Variants in GNG4 observed in about 807,000 individuals in gnomAD.
GNG4 encodes G protein subunit gamma 4, also known as guanine nucleotide-binding protein G(I)/G(S)/G(O) subunit gamma-4.
Under a neutral mutation model 5.8 loss-of-function variants are expected in GNG4, and 4 were observed. That is an observed-to-expected ratio of 0.69 (90% CI 0.34 to 1.57). GNG4 has a LOEUF of 1.57. Ranked by LOEUF, GNG4 falls within the 40% of genes most tolerant of loss-of-function variation. The pLI is 0.06. For synonymous variants in GNG4, 29 were observed against 32.9 expected (o/e 0.88, Z 0.41); for missense variants, 96 against 95.1 (o/e 1.01, Z -0.04).
At chr1:235,606,243 A>G (rs1230949637) in intron 1 of GNG4, among the ~76,000 whole-genome samples, 1 of 152,162 alleles carries the variant, frequency 6.6e-6, no homozygotes. Flanking sequence ...TTAGCCAGGC[A>G]TGGTGGCATG....
intron 3 of GNG4, among the ~76,000 whole-genome samples, chr1:235,582,688 G>C (rs1411249648): frequency 2.0e-5 from 3 of 152,184 alleles, no homozygotes; most frequent in African/African-American, 7.2e-5. Context: ...AGAGACCAAG[G>C]ACTGACATGT....
intron 1 of GNG4, among the ~76,000 whole-genome samples, chr1:235,607,528 T>C (rs946656691): frequency 1.2e-4 from 19 of 152,236 alleles, no homozygotes; most frequent in Admixed American, 8.5e-4. Context: ...TGCAGACAAG[T>C]GGTTCTGTGA....
Position 235,548,587 on chromosome 1 carries a change from T to G in GNG4, c.*3522A>C, listed in dbSNP as rs1262063571. On this transcript the variant is annotated 3_prime_UTR_variant, in exon 4 of 4. Coordinates refer to ENST00000391854, the MANE Select transcript of GNG4 (RefSeq NM_001098722.2). Reference sequence around the variant, plus strand: ...GTCCAGGTAGTCCACCCCAGGTCAATGACCACTTCCCGACTGGTATGGGGC... The same window carrying G: ...GTCCAGGTAGTCCACCCCAGGTCAAGGACCACTTCCCGACTGGTATGGGGC... 1.3e-5 allele frequency: 2 copies of G among 152,008 alleles called. No homozygotes were observed. Among genetic ancestry groups the G allele is most frequent in the Non-Finnish European group, 2.9e-5 (2 of 68,112 alleles). 9.4% of individuals were successfully genotyped at this position (152,008 alleles called of 1,614,324 possible).
intron 1 of GNG4, among the ~76,000 whole-genome samples, chr1:235,608,855 TG>T (rs1353374931): frequency 2.0e-4 from 31 of 152,198 alleles, no homozygotes; most frequent in African/African-American, 6.7e-4. Context: ...AGCTAATTTT[TG>T]TGTTTTTAGT....
At chr1:235,628,826 C>A (rs1162702032) in intron 1 of GNG4, among the ~76,000 whole-genome samples, 1 of 152,134 alleles carries the variant, frequency 6.6e-6, no homozygotes, top group African/African-American at 2.4e-5. Flanking sequence ...AGCCTCCTTT[C>A]TCTGTATGGC....
At chr1:235,591,532 C>T (rs975659751) in intron 2 of GNG4, among the ~76,000 whole-genome samples, 2 of 152,220 alleles carry the variant, frequency 1.3e-5, no homozygotes, top group Non-Finnish European at 2.9e-5. Context: ...ACCTGAATAA[C>T]GCCCCTGCCT....
intron 1 of GNG4, among the ~76,000 whole-genome samples, chr1:235,596,207 A>AC (rs1553368858): frequency 3.5e-5 from 1 of 28,794 alleles, no homozygotes; most frequent in Admixed American, 4.3e-4. Context: ...AAACAAACAA[A>AC]ATACACACAC....
chr1:235,607,325 CTAAT>C (rs72170554), intron 1 of GNG4, among the ~76,000 whole-genome samples: 8,744 of 152,178 alleles, frequency 0.057, 834 homozygotes, highest in African/African-American at 0.2. Flanking sequence ...GCCAATAAAA[CTAAT>C]TATTCTTTCC....
rs567420689 is a variant in GNG4, at chr1:235,549,638, G to A, written c.*2471C>T. On this transcript the variant is annotated 3_prime_UTR_variant, in exon 4 of 4. Coordinates refer to ENST00000391854, the MANE Select transcript of GNG4 (RefSeq NM_001098722.2). Reference sequence around the variant, plus strand: ...ACATCCAGCATACAATTCTGCTCTAGTTTGAGCATCTTAACAACACTGGTA... The same window carrying A: ...ACATCCAGCATACAATTCTGCTCTAATTTGAGCATCTTAACAACACTGGTA... 6.6e-6 allele frequency: 1 copy of A among 152,010 alleles called. No individual in the cohort carries two copies. The highest frequency in any genetic ancestry group is 2.1e-4 in the South Asian group (1 of 4,810). The allele number at this position is 152,010 out of a possible 1,614,324, so 9.4% of individuals were successfully genotyped here. A position where few individuals can be genotyped will look rare whatever the true frequency, so the allele number is the denominator to read the frequency against.
In GNG4 at chr1:235,611,059, G is replaced by A. The variant is rs963237904; in HGVS notation, c.-122-15548C>T. On this transcript the variant is annotated intron_variant, in intron 1 of 3. Transcript: ENST00000391854. ...GCTGAAATAGTGCCACTGCAATCCA[G>A]CCTGGGCGGCAGAGCGAGACTTCAT... Among the ~76,000 whole-genome samples, 4 of 152,206 alleles carry A rather than the reference G, an allele frequency of 2.6e-5. No individual in the cohort carries two copies. In the South Asian group the frequency reaches 8.3e-4, roughly 31 times the overall value.
chr1:235,638,663 A>C (rs1657207613), intron 1 of GNG4, among the ~76,000 whole-genome samples: 1 of 146,186 alleles, frequency 6.8e-6, no homozygotes, highest in South Asian at 2.2e-4. Flanking sequence ...CTTGCCCCTC[A>C]CCCCCCAACA....
chr1:235,586,920 G>A (rs17547702), intron 2 of GNG4, among the ~76,000 whole-genome samples: 17 of 152,012 alleles, frequency 1.1e-4, no homozygotes, highest in Non-Finnish European at 1.0e-4. Context: ...ACCCTACAGT[G>A]ACTGCCTTCA....
intron 2 of GNG4, among the ~76,000 whole-genome samples, chr1:235,592,932 G>A (rs1484721204): frequency 2.1e-5 from 3 of 143,984 alleles, no homozygotes; most frequent in African/African-American, 7.7e-5. Context: ...AGCAGACCCC[G>A]GTTTGCTCTG....
rs185182368 is a variant in GNG4 at position 235,573,913 on chromosome 1, T to G, written c.99+9827A>C. 8.0e-4 allele frequency among the ~76,000 whole-genome samples: 122 copies of G among 152,326 alleles called. 2 individuals are homozygous for G. Among genetic ancestry groups the G allele is most frequent in the African/African-American group, 2.6e-3 (107 of 41,582 alleles). ...ATTTTAGGAGAATATTTCCTGACCT[T>G]GTTATATGATCACAATATACTGTTC... On this transcript the variant is annotated intron_variant, in intron 3 of 3. Coordinates refer to ENST00000391854, the MANE Select transcript of GNG4 (RefSeq NM_001098722.2).
chr1:235,552,377 G>T, intron 3 of GNG4, 140 bp from the exon 4 acceptor site: 1 of 731,450 alleles, frequency 1.4e-6, no homozygotes, highest in Non-Finnish European at 2.3e-6. Context: ...GTCATGCCCA[G>T]GCTGGAGGGA....
chr1:235,619,086 G>GATC (rs1688654716), intron 1 of GNG4, among the ~76,000 whole-genome samples: 2 of 130,626 alleles, frequency 1.5e-5, no homozygotes, highest in African/African-American at 2.8e-5. Context: ...GATCACTTGG[G>GATC]CTGAGGAGTT....
chr1:235,603,331 G>A (rs923431198), intron 1 of GNG4, among the ~76,000 whole-genome samples: 2 of 151,884 alleles, frequency 1.3e-5, no homozygotes, highest in African/African-American at 4.8e-5. Flanking sequence ...TGTCATAATC[G>A]CTGTGGCAGC....
Position 235,550,411 on chromosome 1 carries a change from G to A in GNG4, c.*1698C>T, listed in dbSNP as rs1476653921. On this transcript the variant is annotated 3_prime_UTR_variant, in exon 4 of 4. Transcript: ENST00000391854. ...AGTTCAGGGGGCTAAGGGAACTCTG[G>A]GGCCGGGCTGCCTGCCCTCAAATCC... is the stretch of plus-strand genomic sequence containing the variant. 3 of 152,324 alleles carry A rather than the reference G, an allele frequency of 2.0e-5. No homozygotes were observed. The highest frequency in any genetic ancestry group is 6.5e-5 in the Admixed American group (1 of 15,288). The allele number at this position is 152,324 out of a possible 1,614,324, so 9.4% of individuals were successfully genotyped here.
chr1:235,568,291 C>T (rs943808207), intron 3 of GNG4, among the ~76,000 whole-genome samples: 12 of 152,142 alleles, frequency 7.9e-5, no homozygotes, highest in African/African-American at 2.9e-4. Flanking sequence ...CAAGCCCATC[C>T]TTCAGTGCCT....
Sources: allele counts gnomAD v4.1 joint callset (sites outside exome capture counted in the v4.1 genomes callset), GRCh38; gene constraint gnomAD v4.1.1; transcripts MANE v1.5; gene names NCBI Gene and HGNC (gene_info 2026-07-23, HGNC 2026-07-21).